TAF3: variants seen among roughly 807,000 people sequenced by gnomAD.
TAF3 encodes transcription initiation factor TFIID subunit 3.
A neutral mutation model predicts 80.6 loss-of-function variants in TAF3; 7 were observed. That is an observed-to-expected ratio of 0.09 (90% CI 0.05 to 0.16). The LOEUF (loss-of-function observed/expected upper bound fraction) is 0.16. Among genes scored for constraint, TAF3 ranks in the 10% least tolerant of loss-of-function variants. The pLI, the probability that TAF3 is intolerant of heterozygous loss-of-function variation, is 1.00. For synonymous variants in TAF3, 444 were observed against 446.1 expected (o/e 1.00, Z 0.06); for missense variants, 921 against 1,140.2 (o/e 0.81, Z 2.77).
intron 6 of TAF3, among the ~76,000 whole-genome samples, chr10:8,014,135 A>G (rs1206634974): frequency 2.0e-5 from 3 of 152,202 alleles, no homozygotes; most frequent in Non-Finnish European, 4.4e-5. Context: ...CCTTTCCAGT[A>G]ATGTTCTGTA....
At chr10:7,987,897 C>T (rs1373196241) in intron 4 of TAF3, among the ~76,000 whole-genome samples, 2 of 152,088 alleles carry the variant, frequency 1.3e-5, no homozygotes, top group African/African-American at 4.8e-5. Context: ...ATCTGTAGGT[C>T]CTTGGTGCTG....
intron 2 of TAF3, among the ~76,000 whole-genome samples, chr10:7,957,273 G>A (rs561289844): frequency 6.6e-6 from 1 of 151,868 alleles, no homozygotes; most frequent in South Asian, 2.1e-4. Flanking sequence ...TGGAGCGATG[G>A]GGAGATTAGG....
intron 2 of TAF3, among the ~76,000 whole-genome samples, chr10:7,856,242 G>A (rs1241783290): frequency 6.6e-6 from 1 of 152,156 alleles, no homozygotes; most frequent in African/African-American, 2.4e-5. Flanking sequence ...TTGGGAGGCC[G>A]AGGCGGGCGG....
At chr10:7,996,826 C>T (rs374525723) in intron 4 of TAF3, among the ~76,000 whole-genome samples, 12 of 149,634 alleles carry the variant, frequency 8.0e-5, no homozygotes, top group Middle Eastern at 3.2e-3. Context: ...ACTACAGGCA[C>T]GCACCACCAC....
chr10:7,929,697 G>A (rs962073225), intron 2 of TAF3, among the ~76,000 whole-genome samples: 15 of 151,992 alleles, frequency 9.9e-5, no homozygotes, highest in Admixed American at 3.9e-4. Flanking sequence ...TTGCTTATCT[G>A]TATAAAATAT....
At chr10:7,998,341 A>G (rs1436395575) in intron 4 of TAF3, among the ~76,000 whole-genome samples, 4 of 150,104 alleles carry the variant, frequency 2.7e-5, no homozygotes, top group African/African-American at 9.7e-5. Flanking sequence ...TTGAAGGATT[A>G]TCTTATTATT....
chr10:7,990,358 A>G (rs188673180), intron 4 of TAF3, among the ~76,000 whole-genome samples: 242 of 152,314 alleles, frequency 1.6e-3, no homozygotes, highest in African/African-American at 5.6e-3. Context: ...GCAAGGCAGA[A>G]TGGCTGGCTA....
intron 2 of TAF3, among the ~76,000 whole-genome samples, chr10:7,959,122 A>G (rs564185690): frequency 1.3e-3 from 171 of 136,770 alleles, no homozygotes; most frequent in Non-Finnish European, 2.3e-3. Flanking sequence ...CCTGGGTGAC[A>G]GAACGAGATT....
chr10:7,959,159 CACACAA>C (rs201544792), intron 2 of TAF3, among the ~76,000 whole-genome samples: 3 of 137,040 alleles, frequency 2.2e-5, no homozygotes, highest in Admixed American at 7.6e-5. Flanking sequence ...CACACACACA[CACACAA>C]AAAAAGTTTC....
chr10:7,898,903 C>T (rs1192009549), intron 2 of TAF3, among the ~76,000 whole-genome samples: 1 of 152,000 alleles, frequency 6.6e-6, no homozygotes, highest in Non-Finnish European at 1.5e-5. Context: ...ACTCAAAAAC[C>T]AAGTGAAAGT....
At chr10:7,903,056 TAAAAG>T (rs1397592751) in intron 2 of TAF3, among the ~76,000 whole-genome samples, 2 of 152,094 alleles carry the variant, frequency 1.3e-5, no homozygotes, top group African/African-American at 4.8e-5. Context: ...CCCCATCTCT[TAAAAG>T]AAAAGAAAAA....
chr10:7,996,616 C>CT (rs374781807), intron 4 of TAF3, among the ~76,000 whole-genome samples: 1,998 of 147,296 alleles, frequency 0.014, 49 homozygotes, highest in African/African-American at 0.046. Context: ...ATTTCAATGT[C>CT]TTTTTTTTTT....
intron 2 of TAF3, among the ~76,000 whole-genome samples, chr10:7,959,112 C>G (rs1838164728): frequency 6.7e-6 from 1 of 149,638 alleles, no homozygotes; most frequent in Non-Finnish European, 1.5e-5. Flanking sequence ...TGCACCCTAG[C>G]CTGGGTGACA....
At chr10:7,819,356 C>T (rs984092815) in intron 1 of TAF3, among the ~76,000 whole-genome samples, 10 of 152,154 alleles carry the variant, frequency 6.6e-5, no homozygotes, top group Admixed American at 2.0e-4. Flanking sequence ...GTTGACAGCT[C>T]TGCTCCGTTA....
intron 2 of TAF3, among the ~76,000 whole-genome samples, chr10:7,910,964 C>T (rs893810371): frequency 1.3e-5 from 2 of 152,146 alleles, no homozygotes; most frequent in African/African-American, 4.8e-5. Context: ...ATGTAGAGCT[C>T]TGGACCCGCT....
At chr10:7,887,458 G>A (rs1356260217) in intron 2 of TAF3, among the ~76,000 whole-genome samples, 2 of 152,002 alleles carry the variant, frequency 1.3e-5, no homozygotes, top group Non-Finnish European at 2.9e-5. Flanking sequence ...GAGAGACTCC[G>A]GATGTAGCTC....
intron 1 of TAF3, among the ~76,000 whole-genome samples, chr10:7,822,229 T>C (rs1385493155): frequency 3.8e-5 from 5 of 131,944 alleles, no homozygotes; most frequent in African/African-American, 1.4e-4. Context: ...AGGAAAAAAA[T>C]CTGAAATCAT....
chr10:7,888,141 A>AT (rs1837426594), intron 2 of TAF3, among the ~76,000 whole-genome samples: 1 of 151,924 alleles, frequency 6.6e-6, no homozygotes, highest in Non-Finnish European at 1.5e-5. Context: ...TCTCTCCCAT[A>AT]TGAAACGTTT....
rs527356726 is a variant in TAF3 at position 7,871,435 on chromosome 10, C to CTTTTTTTTTTTTTT, written c.409+46887_409+46900dup. On this transcript the variant is annotated intron_variant, in intron 2 of 6. Coordinates refer to ENST00000344293, the MANE Select transcript of TAF3 (RefSeq NM_031923.4). ...CTAAATTGATGACAAATAACTGCTG[C>CTTTTTTTTTTTTTT]TTTTTTTTTTTTTTTTTTTTTTTTT... Among the ~76,000 whole-genome samples, 79 of 69,118 alleles carry CTTTTTTTTTTTTTT rather than the reference C, an allele frequency of 1.1e-3. 4 individuals are homozygous for CTTTTTTTTTTTTTT. The highest frequency in any genetic ancestry group is 1.5e-3 in the African/African-American group (31 of 20,548). The allele number at this position is 69,118 out of a possible 152,430, so 45.3% of individuals were successfully genotyped here.
Sources: gnomAD v4.1 joint callset for allele counts (sites outside exome capture counted in the v4.1 genomes callset) on GRCh38, gnomAD v4.1.1 for gene constraint, MANE v1.5 for transcripts, NCBI Gene and HGNC (gene_info 2026-07-23, HGNC 2026-07-21) for gene names.